Variants in RANBP2 observed in about 807,000 individuals in gnomAD.
RANBP2 encodes RAN binding protein 2, also known as E3 SUMO-protein ligase RanBP2.
RANBP2 carries 57 observed loss-of-function variants against 303.6 expected under a neutral mutation model. The ratio of observed to expected loss-of-function variants is 0.19; its 90% confidence interval spans 0.15 to 0.23. The LOEUF (loss-of-function observed/expected upper bound fraction) is 0.23, where lower values mean the gene tolerates loss of function less well. Ranked by LOEUF, RANBP2 falls within the 10% of genes least tolerant of loss-of-function variation. The probability of loss-of-function intolerance (pLI) is 1.00; values close to 1 mark genes in which losing one functional copy is unlikely to be tolerated. For synonymous variants in RANBP2, 1,167 were observed against 1,301.5 expected (o/e 0.90, Z 2.23); for missense variants, 3,138 against 3,780.8 (o/e 0.83, Z 4.46).
At chr2:109,231,470 T>A in the RANBP2 span, among the ~76,000 whole-genome samples, 1 of 152,244 alleles carries the variant, frequency 6.6e-6, no homozygotes, top group Non-Finnish European at 1.5e-5. Context: ...CACATTCTAA[T>A]GGCTAGTGCT....
At chr2:109,519,276 G>A in the RANBP2 span, among the ~76,000 whole-genome samples, 1 of 152,074 alleles carries the variant, frequency 6.6e-6, no homozygotes, top group Non-Finnish European at 1.5e-5. Flanking sequence ...CACGAGAACA[G>A]CACTAGGGGG....
chr2:108,798,992 A>G, the RANBP2 span, among the ~76,000 whole-genome samples: 1 of 152,000 alleles, frequency 6.6e-6, no homozygotes, highest in Non-Finnish European at 1.5e-5. Context: ...TAAATAACTT[A>G]TTTATAGTCC....
the RANBP2 span, among the ~76,000 whole-genome samples, chr2:108,970,801 C>T: frequency 2.0e-5 from 3 of 152,280 alleles, no homozygotes; most frequent in Admixed American, 2.0e-4. Context: ...TCGGAAAATA[C>T]ACTTTAATTT....
chr2:109,687,970 G>C, the RANBP2 span, among the ~76,000 whole-genome samples: 6 of 152,136 alleles, frequency 3.9e-5, no homozygotes, highest in African/African-American at 1.4e-4. Flanking sequence ...TGGGTCAGGA[G>C]ATTTTAATGA....
chr2:108,957,772 A>G, the RANBP2 span, among the ~76,000 whole-genome samples: 2 of 152,236 alleles, frequency 1.3e-5, no homozygotes, highest in African/African-American at 4.8e-5. Context: ...AGTTATTCCA[A>G]AGCAAAGGGT....
chr2:109,421,031 A>G, the RANBP2 span, among the ~76,000 whole-genome samples: 1 of 152,222 alleles, frequency 6.6e-6, no homozygotes, highest in African/African-American at 2.4e-5. Flanking sequence ...GCACTGGACA[A>G]AAGATACTAC....
At chr2:109,364,027 T>C in the RANBP2 span, among the ~76,000 whole-genome samples, 1 of 152,190 alleles carries the variant, frequency 6.6e-6, no homozygotes, top group Non-Finnish European at 1.5e-5. Context: ...AATTCTCAGT[T>C]ATTATTGTTT....
chr2:109,635,305 C>T, the RANBP2 span, among the ~76,000 whole-genome samples: 1 of 152,180 alleles, frequency 6.6e-6, no homozygotes, highest in Non-Finnish European at 1.5e-5. Flanking sequence ...GCCTCAGCCT[C>T]CTGAGTAGCT....
chr2:108,873,496 T>C, the RANBP2 span: 1 of 1,608,754 alleles, frequency 6.2e-7, no homozygotes, highest in Non-Finnish European at 8.5e-7. Context: ...TCTTTATTTT[T>C]TCGTACTTGC....
At chr2:109,239,524 T>C in the RANBP2 span, among the ~76,000 whole-genome samples, 1 of 152,166 alleles carries the variant, frequency 6.6e-6, no homozygotes, top group East Asian at 1.9e-4. Context: ...TTTGGCCCCA[T>C]ATTTGACTCT....
the RANBP2 span, among the ~76,000 whole-genome samples, chr2:109,622,460 T>C: frequency 6.6e-6 from 1 of 152,152 alleles, no homozygotes; most frequent in Non-Finnish European, 1.5e-5. Context: ...GCATTAATGA[T>C]TGAGACAGAT....
At chr2:109,667,905 C>T in the RANBP2 span, 1 of 195,752 alleles carries the variant, frequency 5.1e-6, no homozygotes. Flanking sequence ...GAAGCTGAAG[C>T]AGCAAGAGGA....
At chr2:108,846,966 A>G in the RANBP2 span, 1 of 1,155,526 alleles carries the variant, frequency 8.7e-7, no homozygotes, top group Admixed American at 2.1e-5. Context: ...TAATTTTGAG[A>G]AACAATAGAG....
At chr2:108,929,271 C>G in the RANBP2 span, 1 of 1,614,176 alleles carries the variant, frequency 6.2e-7, no homozygotes, top group Non-Finnish European at 8.5e-7. Context: ...CGGAAGAAGC[C>G]CTCACAGTCT....
the RANBP2 span, among the ~76,000 whole-genome samples, chr2:109,661,653 A>G: frequency 6.6e-6 from 1 of 152,218 alleles, no homozygotes; most frequent in Admixed American, 6.5e-5. Flanking sequence ...AATACTGGAA[A>G]AGGTAGATAA....
the RANBP2 span, chr2:109,615,409 A>C: frequency 6.2e-7 from 1 of 1,613,068 alleles, no homozygotes; most frequent in Non-Finnish European, 8.5e-7. Context: ...ACTTGCCTGC[A>C]CTGGGCCGCC....
At chr2:108,973,480 T>C in the RANBP2 span, among the ~76,000 whole-genome samples, 1 of 152,218 alleles carries the variant, frequency 6.6e-6, no homozygotes, top group East Asian at 1.9e-4. Flanking sequence ...TCCAGTGCTT[T>C]CCAGTACCTG....
the RANBP2 span, among the ~76,000 whole-genome samples, chr2:109,331,322 C>T: frequency 6.6e-6 from 1 of 152,146 alleles, no homozygotes; most frequent in Non-Finnish European, 1.5e-5. Flanking sequence ...CATTTGCAAT[C>T]AATTAACAGC....
At chr2:109,565,216 AAAAAAAT>A in the RANBP2 span, among the ~76,000 whole-genome samples, 2 of 152,074 alleles carry the variant, frequency 1.3e-5, no homozygotes, top group African/African-American at 4.8e-5. Context: ...TCAATTAAGA[AAAAAAAT>A]CAGCATTTGG....
Sources: gnomAD v4.1 joint callset for allele counts (sites outside exome capture counted in the v4.1 genomes callset) on GRCh38, gnomAD v4.1.1 for gene constraint, MANE v1.5 for transcripts, NCBI Gene and HGNC (gene_info 2026-07-23, HGNC 2026-07-21) for gene names.